Variants in ADARB2 observed in about 807,000 individuals in gnomAD.
ADARB2 encodes the protein adenosine deaminase RNA specific B2 (inactive), also known as inactive double-stranded RNA-specific editase B2.
In ADARB2, 25 loss-of-function variants were observed where a neutral mutation model predicts 62.2. The ratio of observed to expected loss-of-function variants is 0.40; its 90% CI spans 0.29 to 0.56. ADARB2 has a LOEUF of 0.56. Ranked by LOEUF, ADARB2 falls within the 20% of genes least tolerant of loss-of-function variation. The probability of loss-of-function intolerance (pLI) is 0.43; values close to 1 mark genes in which losing one functional copy is unlikely to be tolerated. For missense variants in ADARB2, 1,071 were observed against 1,077.4 expected, an observed-to-expected ratio of 0.99 and a Z score of 0.08; for synonymous variants, 572 against 500.8, an observed-to-expected ratio of 1.14 and a Z score of -1.90.
chr10:1,561,362 C>G (rs1438839199), intron 1 of ADARB2, among the ~76,000 whole-genome samples: 1 of 152,192 alleles, frequency 6.6e-6, no homozygotes, highest in Non-Finnish European at 1.5e-5. Flanking sequence ...TCATCAGTCC[C>G]AAACTTGCTC....
chr10:1,647,330 CAT>C (rs1484613656), intron 1 of ADARB2, among the ~76,000 whole-genome samples: 16 of 152,212 alleles, frequency 1.1e-4, no homozygotes, highest in African/African-American at 3.6e-4. Flanking sequence ...AGTGTGTGTG[CAT>C]ATATGTGTGC....
At chr10:1,611,394 A>T (rs1833571494) in intron 1 of ADARB2, among the ~76,000 whole-genome samples, 1 of 152,216 alleles carries the variant, frequency 6.6e-6, no homozygotes, top group African/African-American at 2.4e-5. Context: ...ATCTGATCCA[A>T]GGGGGAAATT....
At chr10:1,590,611 A>G (rs72764996) in intron 1 of ADARB2, among the ~76,000 whole-genome samples, 2,359 of 152,274 alleles carry the variant, frequency 0.015, 33 homozygotes, top group South Asian at 0.022. Context: ...GCTGACCGGA[A>G]AAAACCATGT....
At chr10:1,463,311 G>T (rs769116906) in intron 1 of ADARB2, among the ~76,000 whole-genome samples, 2 of 152,182 alleles carry the variant, frequency 1.3e-5, no homozygotes, top group African/African-American at 2.4e-5. Context: ...GAATCCCTGC[G>T]TGTGGCCCTC....
chr10:1,645,809 T>A (rs1834033556), intron 1 of ADARB2, among the ~76,000 whole-genome samples: 1 of 152,216 alleles, frequency 6.6e-6, no homozygotes, highest in African/African-American at 2.4e-5. Flanking sequence ...TATACTCCAA[T>A]GCTTGGGATC....
chr10:1,196,111 A>T (rs1468479554), intron 8 of ADARB2, among the ~76,000 whole-genome samples: 1 of 150,550 alleles, frequency 6.6e-6, no homozygotes, highest in Non-Finnish European at 1.5e-5. Flanking sequence ...CCATTCCCTC[A>T]TTCCTCTAGG....
At chr10:1,259,441 A>G (rs915620753) in intron 4 of ADARB2, among the ~76,000 whole-genome samples, 5 of 152,204 alleles carry the variant, frequency 3.3e-5, no homozygotes, top group Admixed American at 6.5e-5. Flanking sequence ...AATCAAATAG[A>G]TGCAATAAAA....
intron 1 of ADARB2, among the ~76,000 whole-genome samples, chr10:1,714,936 T>C (rs532380452): frequency 6.6e-6 from 1 of 152,250 alleles, no homozygotes; most frequent in South Asian, 2.1e-4. Context: ...TGTGCCATGT[T>C]GGTGTGCTGC....
intron 1 of ADARB2, among the ~76,000 whole-genome samples, chr10:1,442,004 G>A (rs767003429): frequency 4.6e-5 from 7 of 152,196 alleles, no homozygotes; most frequent in Non-Finnish European, 8.8e-5. Flanking sequence ...TTCAGTTTCA[G>A]TCTGATTTTT....
At chr10:1,678,424 C>T (rs1834495846) in intron 1 of ADARB2, 1 of 801,292 alleles carries the variant, frequency 1.2e-6, no homozygotes, top group African/African-American at 1.9e-5. Flanking sequence ...CCTTCCCTTT[C>T]AGCACTCAGG....
At chr10:1,242,387 T>G in intron 4 of ADARB2, 88 bp from the exon 5 acceptor site, 155 of 1,425,884 alleles carry the variant, frequency 1.1e-4, no homozygotes, top group Non-Finnish European at 1.3e-4. Flanking sequence ...CAACAGCGGT[T>G]TCCCTGGGTT....
At chr10:1,307,551 A>G (rs1011881481) in intron 3 of ADARB2, among the ~76,000 whole-genome samples, 35 of 143,872 alleles carry the variant, frequency 2.4e-4, no homozygotes, top group African/African-American at 8.6e-4. Context: ...AACTAGAAAT[A>G]CCATTTGACC....
intron 1 of ADARB2, among the ~76,000 whole-genome samples, chr10:1,481,856 C>CA (rs34445492): frequency 0.67 from 90,959 of 134,926 alleles, 30,588 homozygotes; most frequent in Admixed American, 0.74. Flanking sequence ...GACTCCATCT[C>CA]AAAAAAAAAA....
In ADARB2 at chr10:1,610,569, C is replaced by T. The variant is rs139371309; in HGVS notation, c.100+126482G>A. Among the ~76,000 whole-genome samples, 668 of 152,306 alleles carry T rather than the reference C, an allele frequency of 4.4e-3. 2 individuals are homozygous for T. Among genetic ancestry groups the T allele is most frequent in the Non-Finnish European group, 7.3e-3 (497 of 68,018 alleles). Reference sequence around the variant, plus strand: ...ACAGGTGCCTGCCGGGGTCCTCATCCAGCACCAGCTGCTGAGCCGGGAATA... The same window carrying T: ...ACAGGTGCCTGCCGGGGTCCTCATCTAGCACCAGCTGCTGAGCCGGGAATA... On this transcript the variant is annotated intron_variant, in intron 1 of 9. Transcript: ENST00000381312.
intron 9 of ADARB2, among the ~76,000 whole-genome samples, chr10:1,183,590 G>A (rs1836710024): frequency 1.3e-5 from 2 of 152,206 alleles, no homozygotes; most frequent in African/African-American, 2.4e-5. Flanking sequence ...ATGAATGAGC[G>A]GATAAACTTG....
At chr10:1,391,575 G>T (rs964472187) in intron 1 of ADARB2, among the ~76,000 whole-genome samples, 3 of 152,068 alleles carry the variant, frequency 2.0e-5, no homozygotes, top group African/African-American at 7.2e-5. Context: ...TTTGTGGATT[G>T]AAACTCTGTT....
intron 2 of ADARB2, among the ~76,000 whole-genome samples, chr10:1,368,680 G>T (rs80050718): frequency 0.14 from 21,996 of 152,178 alleles, 2,200 homozygotes; most frequent in East Asian, 0.47. Context: ...GGCAAGGCAA[G>T]AATTCGTTCT....
chr10:1,737,422 C>T lies in ADARB2; in HGVS notation c.-272G>A, dbSNP rs1785589191. 2 of 453,244 alleles carry T rather than the reference C, an allele frequency of 4.4e-6. No individual in the cohort carries two copies. Among genetic ancestry groups the T allele is most frequent in the Non-Finnish European group, 8.0e-6 (2 of 250,534 alleles). 28.1% of individuals were successfully genotyped at this position (453,244 alleles called of 1,614,324 possible). A position where few individuals can be genotyped will look rare whatever the true frequency, so the allele number is the denominator to read the frequency against. ...AGGGCGGGGAAGGGCGCGCGGCGTCCTGAGTGCTCCGAGCTTCCCGCGGGC... is the reference window on the plus strand; with the variant it reads ...AGGGCGGGGAAGGGCGCGCGGCGTCTTGAGTGCTCCGAGCTTCCCGCGGGC... On this transcript the variant is annotated 5_prime_UTR_variant, in exon 1 of 10. Coordinates refer to ENST00000381312, the MANE Select transcript of ADARB2 (RefSeq NM_018702.4).
chr10:1,695,705 T>C (rs1164046203), intron 1 of ADARB2, among the ~76,000 whole-genome samples: 1 of 152,146 alleles, frequency 6.6e-6, no homozygotes, highest in African/African-American at 2.4e-5. Context: ...TGTGCATGTA[T>C]GCAAACATAC....
Sources: gnomAD v4.1 joint callset for allele counts (sites outside exome capture counted in the v4.1 genomes callset) on GRCh38, gnomAD v4.1.1 for gene constraint, MANE v1.5 for transcripts, NCBI Gene and HGNC (gene_info 2026-07-23, HGNC 2026-07-21) for gene names.